Variants in ASIC2 observed in about 807,000 individuals in gnomAD.
ASIC2 encodes the protein acid-sensing ion channel 2.
Under a neutral mutation model 57.3 loss-of-function variants are expected in ASIC2, and 25 were observed. The observed-to-expected ratio is 0.44, with a 90% CI of 0.32 to 0.61. The LOEUF (loss-of-function observed/expected upper bound fraction) is 0.61, where lower values mean the gene tolerates loss of function less well. Ranked by LOEUF, ASIC2 falls within the 20% of genes least tolerant of loss-of-function variation. The pLI, the probability that ASIC2 is intolerant of heterozygous loss-of-function variation, is 0.06. For missense variants in ASIC2, 641 were observed against 738.1 expected (o/e 0.87, Z 1.52); for synonymous variants, 319 against 307.5 (o/e 1.04, Z -0.39).
chr17:33,567,856 A>ATT (rs532971482), intron 1 of ASIC2, among the ~76,000 whole-genome samples: 1 of 148,564 alleles, frequency 6.7e-6, no homozygotes, highest in South Asian at 2.1e-4. Flanking sequence ...GATTCCATGC[A>ATT]TTTTTTTTTT....
At chr17:33,647,508 A>G (rs1597820517) in intron 1 of ASIC2, among the ~76,000 whole-genome samples, 1 of 152,164 alleles carries the variant, frequency 6.6e-6, no homozygotes, top group African/African-American at 2.4e-5. Context: ...TTCCTGCTGT[A>G]GCTTGCAGTA....
At chr17:33,089,054 A>G (rs2092147565) in intron 2 of ASIC2, 64 bp from the exon 3 acceptor site, 1 of 1,599,630 alleles carries the variant, frequency 6.3e-7, no homozygotes, top group South Asian at 1.1e-5. Context: ...GAGTCCTGGG[A>G]TTGAAAAGCT....
At chr17:33,349,974 GGGA>G (rs941545890) in intron 1 of ASIC2, among the ~76,000 whole-genome samples, 2 of 152,090 alleles carry the variant, frequency 1.3e-5, no homozygotes, top group African/African-American at 4.8e-5. Context: ...AATGTGTTCT[GGGA>G]ATTGGAACTT....
intron 1 of ASIC2, among the ~76,000 whole-genome samples, chr17:33,667,436 C>G (rs1027193020): frequency 6.6e-6 from 1 of 152,216 alleles, no homozygotes; most frequent in African/African-American, 2.4e-5. Flanking sequence ...GTTTCTCTCT[C>G]TGTCATTCTG....
At chr17:33,924,098 T>A (rs1915771794) in intron 1 of ASIC2, among the ~76,000 whole-genome samples, 1 of 152,236 alleles carries the variant, frequency 6.6e-6, no homozygotes, top group Non-Finnish European at 1.5e-5. Flanking sequence ...GTTTCAGGTT[T>A]ATGGGGCAGG....
chr17:33,419,889 G>T (rs1910986418), intron 1 of ASIC2, among the ~76,000 whole-genome samples: 1 of 152,098 alleles, frequency 6.6e-6, no homozygotes, highest in Non-Finnish European at 1.5e-5. Context: ...ACTACAGACA[G>T]TGTGGTTCCA....
At chr17:33,684,563 G>A (rs372108715) in intron 1 of ASIC2, among the ~76,000 whole-genome samples, 11 of 152,126 alleles carry the variant, frequency 7.2e-5, no homozygotes, top group East Asian at 1.9e-4. Context: ...TAAATACGTC[G>A]GGTAACAGAG....
chr17:33,464,476 T>TTTTTC lies in ASIC2; in HGVS notation c.556-352410_556-352409insGAAAA, dbSNP rs1555536046. 2.4e-4 allele frequency among the ~76,000 whole-genome samples: 17 copies of TTTTTC among 71,928 alleles called. 2 individuals are homozygous for TTTTTC. Among genetic ancestry groups the TTTTTC allele is most frequent in the South Asian group, 4.5e-4 (1 of 2,202 alleles). 47.2% of individuals were successfully genotyped at this position (71,928 alleles called of 152,430 possible). A position where few individuals can be genotyped will look rare whatever the true frequency, so the allele number is the denominator to read the frequency against. On this transcript the variant is annotated intron_variant, in intron 1 of 9. Coordinates refer to the ASIC2 transcript ENST00000359872. ...CTTTTTCTCTTTCTTTCTTTCTTTC[T>TTTTTC]TTTCTCTCTTTCTTTCTTTCTTTCT...
intron 1 of ASIC2, among the ~76,000 whole-genome samples, chr17:33,913,092 C>A (rs911983627): frequency 9.3e-6 from 1 of 107,120 alleles, no homozygotes; most frequent in African/African-American, 2.7e-5. Flanking sequence ...AAATCCCCCT[C>A]CCCCCCGCCA....
rs1369491302 is a variant in ASIC2, at chr17:33,213,143, G to A, written c.708+78265C>T. Among the ~76,000 whole-genome samples the A allele has an allele frequency of 4.6e-5, 7 of 152,212 alleles. No homozygotes were observed. In the East Asian group the frequency reaches 1.3e-3, roughly 29 times the overall value. On this transcript the variant is annotated intron_variant, in intron 1 of 9. Transcript: ENST00000225823. ...GCAGGTCTTGAGGCTCCTTGTGTTG[G>A]CCTCTCAAAGCTGCAGGCTGGATAA...
chr17:34,024,224 G>A (rs1907287998), intron 1 of ASIC2, among the ~76,000 whole-genome samples: 1 of 152,190 alleles, frequency 6.6e-6, no homozygotes, highest in East Asian at 1.9e-4. Flanking sequence ...TGACTTCCTG[G>A]AAGAGCTATC....
At chr17:33,512,173 G>T (rs1914448579) in intron 1 of ASIC2, among the ~76,000 whole-genome samples, 1 of 152,158 alleles carries the variant, frequency 6.6e-6, no homozygotes, top group African/African-American at 2.4e-5. Context: ...ATGGTTCCAG[G>T]AGCTCAGTCT....
chr17:33,095,637 A>G (rs2141971770), intron 2 of ASIC2, among the ~76,000 whole-genome samples: 1 of 152,318 alleles, frequency 6.6e-6, no homozygotes, highest in East Asian at 1.9e-4. Flanking sequence ...AAACCTGCTG[A>G]GCCAGCTCAG....
chr17:33,909,498 G>A (rs1289220527), intron 1 of ASIC2, among the ~76,000 whole-genome samples: 1 of 152,232 alleles, frequency 6.6e-6, no homozygotes, highest in East Asian at 1.9e-4. Flanking sequence ...CAGAGGCAGA[G>A]TGGAACCACG....
chr17:34,072,445 C>T (rs1015838334), intron 1 of ASIC2: 18 of 152,244 alleles, frequency 1.2e-4, no homozygotes, highest in South Asian at 4.1e-4. Context: ...ATTTTTAAGG[C>T]GGTACAGTTA....
rs188120657 is a variant in ASIC2, at chr17:33,609,993, C to T, written c.556-497926G>A. ...GAGTCGGCTTGATTGCTGGCACCCTCGCCTGACAGATGGAGCTTGTGCACC... is the reference window on the plus strand; with the variant it reads ...GAGTCGGCTTGATTGCTGGCACCCTTGCCTGACAGATGGAGCTTGTGCACC... On this transcript the variant is annotated intron_variant, in intron 1 of 9. Coordinates refer to the ASIC2 transcript ENST00000359872. Among the ~76,000 whole-genome samples, 441 of 151,706 alleles carry T rather than the reference C, an allele frequency of 2.9e-3. 3 individuals carry two copies. Among genetic ancestry groups the T allele is most frequent in the South Asian group, 0.01 (49 of 4,800 alleles).
intron 1 of ASIC2, among the ~76,000 whole-genome samples, chr17:33,620,929 A>G (rs1351428109): frequency 6.9e-6 from 1 of 145,552 alleles, no homozygotes. Context: ...TTCCACCATC[A>G]CTCATGGACC....
At chr17:33,358,098 G>A (rs367727945) in intron 1 of ASIC2, among the ~76,000 whole-genome samples, 39 of 152,288 alleles carry the variant, frequency 2.6e-4, no homozygotes, top group Admixed American at 1.0e-3. Flanking sequence ...AATGTGGCTC[G>A]CCACCTGTTT....
At chr17:33,212,390 G>C (rs1280599861) in intron 1 of ASIC2, among the ~76,000 whole-genome samples, 1 of 152,090 alleles carries the variant, frequency 6.6e-6, no homozygotes, top group Non-Finnish European at 1.5e-5. Context: ...ACAATCCAAG[G>C]AATGTGGCGG....
Sources: allele counts gnomAD v4.1 joint callset (sites outside exome capture counted in the v4.1 genomes callset), GRCh38; gene constraint gnomAD v4.1.1; transcripts MANE v1.5; gene names NCBI Gene and HGNC (gene_info 2026-07-23, HGNC 2026-07-21).